The following DPP10 variants were observed in gnomAD, a reference collection of about 807,000 sequenced individuals.
The protein encoded by DPP10 is dipeptidyl peptidase like 10, also known as inactive dipeptidyl peptidase 10.
In DPP10, 33 loss-of-function variants were observed where a neutral mutation model predicts 120.9. That is an observed-to-expected ratio of 0.27 (90% CI 0.21 to 0.37). The LOEUF is 0.37. Ranked by LOEUF, DPP10 falls within the 10% of genes least tolerant of loss-of-function variation. DPP10 has a pLI of 1.00. For synonymous variants in DPP10, 337 were observed against 326.1 expected, an observed-to-expected ratio of 1.03 and a Z score of -0.36; for missense variants, 816 against 942.8, an observed-to-expected ratio of 0.87 and a Z score of 1.76.
chr2:115,765,129 G>A (rs1680561744), intron 12 of DPP10, among the ~76,000 whole-genome samples: 1 of 152,106 alleles, frequency 6.6e-6, no homozygotes, highest in African/African-American at 2.4e-5. Flanking sequence ...ACATTGTCAA[G>A]TGTTGGGGGC....
intron 1 of DPP10, among the ~76,000 whole-genome samples, chr2:114,837,589 A>G (rs565046629): frequency 1.3e-5 from 2 of 152,218 alleles, no homozygotes; most frequent in African/African-American, 4.8e-5. Context: ...TGTCAAAAAA[A>G]AAAATGTGAA....
intron 1 of DPP10, among the ~76,000 whole-genome samples, chr2:114,803,403 G>A (rs1005662920): frequency 2.0e-5 from 3 of 152,228 alleles, no homozygotes; most frequent in Admixed American, 1.3e-4. Flanking sequence ...AGCAACTTTG[G>A]AACTTGGGTA....
At chr2:114,551,310 C>T (rs1350350316) in intron 1 of DPP10, among the ~76,000 whole-genome samples, 1 of 152,140 alleles carries the variant, frequency 6.6e-6, no homozygotes, top group African/African-American at 2.4e-5. Context: ...CCCGCTGCCC[C>T]CCTGCCTGAA....
intron 1 of DPP10, among the ~76,000 whole-genome samples, chr2:115,197,538 C>G (rs1049342021): frequency 6.6e-6 from 1 of 152,136 alleles, no homozygotes; most frequent in African/African-American, 2.4e-5. Context: ...TTAACTCCAG[C>G]CATTTTTAGT....
chr2:115,276,898 C>T (rs964091291), intron 1 of DPP10, among the ~76,000 whole-genome samples: 1 of 152,122 alleles, frequency 6.6e-6, no homozygotes, highest in African/African-American at 2.4e-5. Flanking sequence ...CTGCTATTGA[C>T]CTATGCCCCT....
chr2:115,587,555 A>G (rs1355919704), intron 5 of DPP10, among the ~76,000 whole-genome samples: 1 of 152,222 alleles, frequency 6.6e-6, no homozygotes, highest in African/African-American at 2.4e-5. Context: ...CGGTATCTTG[A>G]AGATACACTT....
At position 115,573,346 on chromosome 2, in the gene DPP10, G is replaced by C. The variant is rs535922605; in HGVS notation, c.441+47374G>C. 1.3e-4 allele frequency among the ~76,000 whole-genome samples: 19 copies of C among 143,318 alleles called. 1 individual carries two copies. In the South Asian group the frequency reaches 4.1e-3, roughly 31 times the overall value. 94.0% of individuals were successfully genotyped at this position (143,318 alleles called of 152,430 possible). A position where few individuals can be genotyped will look rare whatever the true frequency, so the allele number is the denominator to read the frequency against. ...CGCCCAGGCTGGAGTGCAGTTGTAG[G>C]ATCTTGGCTCACTGCAAGTTCCGCC... On this transcript the variant is annotated intron_variant, in intron 5 of 25. Coordinates refer to ENST00000410059, the MANE Select transcript of DPP10 (RefSeq NM_020868.6).
At chr2:115,614,298 A>T (rs2084328953) in intron 5 of DPP10, among the ~76,000 whole-genome samples, 1 of 152,178 alleles carries the variant, frequency 6.6e-6, no homozygotes, top group East Asian at 1.9e-4. Flanking sequence ...ACATTGCAGG[A>T]TCTACCACTA....
intron 5 of DPP10, among the ~76,000 whole-genome samples, chr2:115,570,344 C>G (rs868049802): frequency 8.5e-5 from 13 of 152,208 alleles, no homozygotes; most frequent in Admixed American, 5.2e-4. Context: ...CCCAAATCCC[C>G]ATTTAACTTA....
intron 1 of DPP10, among the ~76,000 whole-genome samples, chr2:115,271,740 C>T (rs2059709489): frequency 6.6e-6 from 1 of 152,086 alleles, no homozygotes; most frequent in South Asian, 2.1e-4. Flanking sequence ...ATGGCAACAG[C>T]TTTAAATGAT....
chr2:114,647,109 G>A (rs565032156), intron 1 of DPP10, among the ~76,000 whole-genome samples: 2 of 152,304 alleles, frequency 1.3e-5, no homozygotes, highest in African/African-American at 4.8e-5. Flanking sequence ...ATATTCAACA[G>A]AATCCTGAAG....
At chr2:115,288,481 G>C (rs933356053) in intron 1 of DPP10, among the ~76,000 whole-genome samples, 3 of 152,048 alleles carry the variant, frequency 2.0e-5, no homozygotes, top group Non-Finnish European at 4.4e-5. Context: ...ACTTTGGGAG[G>C]CCAGCGTGGG....
At chr2:115,731,408 T>TC (rs1398703989) in intron 8 of DPP10, among the ~76,000 whole-genome samples, 1 of 147,368 alleles carries the variant, frequency 6.8e-6, no homozygotes, top group Non-Finnish European at 1.5e-5. Flanking sequence ...ATACCTGTGT[T>TC]CCCCCCTACT....
chr2:115,437,815 G>C (rs1369605421), intron 3 of DPP10, among the ~76,000 whole-genome samples: 3 of 152,008 alleles, frequency 2.0e-5, no homozygotes. Flanking sequence ...TGTAAGAGCT[G>C]TCACCAAAAA....
intron 2 of DPP10, among the ~76,000 whole-genome samples, chr2:115,327,632 A>G (rs745692478): frequency 4.6e-5 from 7 of 152,070 alleles, no homozygotes; most frequent in Admixed American, 4.6e-4. Context: ...ATAATGTTCT[A>G]TGAGAAACAA....
At chr2:115,493,870 G>C (rs76474198) in intron 3 of DPP10, among the ~76,000 whole-genome samples, 1 of 152,058 alleles carries the variant, frequency 6.6e-6, no homozygotes, top group Non-Finnish European at 1.5e-5. Context: ...AAACCCCTCA[G>C]GCAAAAGGTT....
At chr2:115,465,855 A>C (rs1574928763) in intron 3 of DPP10, among the ~76,000 whole-genome samples, 1 of 152,188 alleles carries the variant, frequency 6.6e-6, no homozygotes, top group African/African-American at 2.4e-5. Flanking sequence ...ATTGAAAATA[A>C]TAAGCACAAC....
intron 1 of DPP10, among the ~76,000 whole-genome samples, chr2:114,832,959 T>A (rs1425808130): frequency 6.6e-6 from 1 of 152,216 alleles, no homozygotes; most frequent in Non-Finnish European, 1.5e-5. Flanking sequence ...CATCTGTGTG[T>A]ATACAGAGAC....
chr2:115,712,544 A>ATATATATATATATATATATATATATATG (rs1553486154), intron 7 of DPP10, among the ~76,000 whole-genome samples: 918 of 88,370 alleles, frequency 0.01, 108 homozygotes, highest in African/African-American at 0.038. Flanking sequence ...CCTGAATTAA[A>ATATATATATATATATATATATATATATG]TATATATATA....
Sources: gnomAD v4.1 joint callset for allele counts (sites outside exome capture counted in the v4.1 genomes callset) on GRCh38, gnomAD v4.1.1 for gene constraint, MANE v1.5 for transcripts, NCBI Gene and HGNC (gene_info 2026-07-23, HGNC 2026-07-21) for gene names.